The following KIF21A variants were observed in gnomAD, a reference collection of about 807,000 sequenced individuals.
The protein encoded by KIF21A is kinesin-like protein KIF21A.
A neutral mutation model predicts 202.9 loss-of-function variants in KIF21A; 114 were observed. The ratio of observed to expected loss-of-function variants is 0.56; its 90% confidence interval spans 0.48 to 0.66. KIF21A has a LOEUF of 0.66. Among genes scored for constraint, KIF21A ranks in the 30% least tolerant of loss-of-function variants. The probability of loss-of-function intolerance (pLI) is 0.00; values close to 1 mark genes in which losing one functional copy is unlikely to be tolerated. For missense variants in KIF21A, 1,677 were observed against 1,994.9 expected, an observed-to-expected ratio of 0.84 and a Z score of 3.04; for synonymous variants, 667 against 670.8, an observed-to-expected ratio of 0.99 and a Z score of 0.09.
chr12:39,436,446 ATAT>A lies in KIF21A; in HGVS notation c.44+6478_44+6480del, dbSNP rs1311557423. Among the ~76,000 whole-genome samples the A allele has an allele frequency of 1.2e-3, 128 of 104,314 alleles. 2 individuals carry two copies. Among genetic ancestry groups the A allele is most frequent in the African/African-American group, 5.8e-3 (121 of 21,030 alleles). The allele number at this position is 104,314 out of a possible 152,430, so 68.4% of individuals were successfully genotyped here. A position where few individuals can be genotyped will look rare whatever the true frequency, so the allele number is the denominator to read the frequency against. ...ATTATATATATATATATATATATAT[ATAT>A]TTTTTTTTTTTTTAGACAGGGTTTC... On this transcript the variant is annotated intron_variant, in intron 1 of 37. Coordinates refer to ENST00000361418, the MANE Select transcript of KIF21A (RefSeq NM_001173464.2).
At chr12:39,428,524 T>C (rs1226562238) in intron 1 of KIF21A, among the ~76,000 whole-genome samples, 2 of 152,220 alleles carry the variant, frequency 1.3e-5, no homozygotes, top group African/African-American at 4.8e-5. Flanking sequence ...AAATAATTGT[T>C]AATTGATTTT....
At chr12:39,322,588 G>T in intron 27 of KIF21A, 80 bp downstream of exon 27, 3 of 1,028,374 alleles carry the variant, frequency 2.9e-6, no homozygotes, top group Non-Finnish European at 4.3e-6. Flanking sequence ...TTAAATAATA[G>T]AAATAAGAAA....
Position 39,346,127 on chromosome 12 carries a change from GT to G in KIF21A, c.1712+338del, listed in dbSNP as rs1418397229. On this transcript the variant is annotated intron_variant, in intron 12 of 37. Coordinates refer to ENST00000361418, the MANE Select transcript of KIF21A (RefSeq NM_001173464.2). ...TTCTGTAAGACAAAGAATTACTGTT[GT>G]TTTTTCTTTTTTTAATAAATCAAAT... 2.6e-5 allele frequency among the ~76,000 whole-genome samples: 4 copies of G among 151,916 alleles called. No homozygotes were observed. The South Asian group carries it at 8.3e-4, about 32-fold the overall frequency.
chr12:39,339,202 C>A (rs1241331781), intron 16 of KIF21A, among the ~76,000 whole-genome samples: 1 of 144,814 alleles, frequency 6.9e-6, no homozygotes, highest in Non-Finnish European at 1.5e-5. Flanking sequence ...CTGCTTGAAC[C>A]TGGGAGGTGG....
intron 30 of KIF21A, 166 bp downstream of exon 30, chr12:39,315,766 C>A (rs1487038231): frequency 2.8e-6 from 2 of 711,852 alleles, no homozygotes; most frequent in Non-Finnish European, 2.6e-6. Flanking sequence ...AAAGGTATGA[C>A]CACAAAAATG....
intron 27 of KIF21A, among the ~76,000 whole-genome samples, chr12:39,320,608 G>C (rs1264598686): frequency 6.6e-6 from 1 of 150,452 alleles, no homozygotes; most frequent in Non-Finnish European, 1.5e-5. Flanking sequence ...AATAATTTTT[G>C]TATATGGTGG....
In KIF21A at chr12:39,356,848, CTT is replaced by C; in HGVS notation, c.1451_1452del (p.Lys484ArgfsTer13). ...EISNMIHSYI[K>X]EIEDLRAKLL... ...GAACTATACCTGAGATCTTCGATTTCTTTTATATAACTATGAATCATATTACT... is the reference window on the plus strand; with the variant it reads ...GAACTATACCTGAGATCTTCGATTTCTTATATAACTATGAATCATATTACT... On this transcript the variant is annotated frameshift_variant, in exon 10 of 38. Transcript: ENST00000361418. LOFTEE classifies it high-confidence loss of function. 1 of 1,227,104 alleles carries C rather than the reference CTT, an allele frequency of 8.1e-7. No homozygotes were observed. Among genetic ancestry groups the C allele is most frequent in the Non-Finnish European group, 1.2e-6 (1 of 830,422 alleles). 76.0% of individuals were successfully genotyped at this position (1,227,104 alleles called of 1,614,324 possible).
rs764446079 is a variant in KIF21A, at chr12:39,293,548, T to C, written c.*876A>G. On this transcript the variant is annotated 3_prime_UTR_variant, in exon 38 of 38. Coordinates refer to ENST00000361418, the MANE Select transcript of KIF21A (RefSeq NM_001173464.2). The stretch of plus-strand genomic sequence containing the variant: ...TCATAGCTACCAAGGTTCGCAAACA[T>C]AGTATATTTAAAATATATTTAGCAG... 2 of 152,510 alleles carry C rather than the reference T, an allele frequency of 1.3e-5. No individual in the cohort carries two copies. Among genetic ancestry groups the C allele is most frequent in the African/African-American group, 2.4e-5 (1 of 41,424 alleles). The allele number at this position is 152,510 out of a possible 1,614,324, so 9.4% of individuals were successfully genotyped here. A position where few individuals can be genotyped will look rare whatever the true frequency, so the allele number is the denominator to read the frequency against.
chr12:39,436,422 T>TTTTTTATATATATATATATATATA (rs1424497663), intron 1 of KIF21A, among the ~76,000 whole-genome samples: 1 of 99,116 alleles, frequency 1.0e-5, no homozygotes. Flanking sequence ...GTTTACTATA[T>TTTTTTATATATATATATATATATA]TATATATATA....
intron 1 of KIF21A, among the ~76,000 whole-genome samples, chr12:39,429,640 T>C (rs1016649452): frequency 1.3e-5 from 2 of 152,210 alleles, no homozygotes; most frequent in Non-Finnish European, 2.9e-5. Flanking sequence ...GATCCTATTA[T>C]GTTAGTACTC....
At chr12:39,405,833 G>T (rs1952541748) in intron 1 of KIF21A, among the ~76,000 whole-genome samples, 1 of 151,668 alleles carries the variant, frequency 6.6e-6, no homozygotes, top group South Asian at 2.1e-4. Context: ...TCTTAACTAG[G>T]CCGTAAGAAA....
intron 1 of KIF21A, among the ~76,000 whole-genome samples, chr12:39,436,100 A>T (rs1468737836): frequency 1.3e-5 from 2 of 152,106 alleles, no homozygotes; most frequent in African/African-American, 4.8e-5. Context: ...AGTCAAAATA[A>T]TGGGTTGACA....
chr12:39,371,834 CAGG>C (rs1315936697), intron 1 of KIF21A, among the ~76,000 whole-genome samples: 1 of 151,396 alleles, frequency 6.6e-6, no homozygotes, highest in African/African-American at 2.4e-5. Flanking sequence ...GAGGCAGAGG[CAGG>C]AGAACTGCTT....
chr12:39,421,864 A>T (rs1478034637), intron 1 of KIF21A, among the ~76,000 whole-genome samples: 1 of 146,970 alleles, frequency 6.8e-6, no homozygotes, highest in Non-Finnish European at 1.5e-5. Context: ...TATATATATA[A>T]ATAATAAACA....
At chr12:39,318,318 C>G (rs1944807057) in intron 28 of KIF21A, 117 bp from the exon 29 acceptor site, 4 of 932,270 alleles carry the variant, frequency 4.3e-6, no homozygotes, top group Non-Finnish European at 6.5e-6. Context: ...TCCTTCTTTC[C>G]TTTCTTCCTT....
intron 1 of KIF21A, among the ~76,000 whole-genome samples, chr12:39,410,408 C>T (rs1304653154): frequency 6.6e-6 from 1 of 152,098 alleles, no homozygotes; most frequent in Non-Finnish European, 1.5e-5. Flanking sequence ...TTATCTCCAC[C>T]TAATAATATC....
At position 39,442,828 on chromosome 12, in the gene KIF21A, G is replaced by C; in HGVS notation, c.44+99C>G. ...AGAACCCGGCCGGGACGCCCCTCAG[G>C]TCGCTCCACCCCGGTAGCCGGTGCT... On this transcript the variant is annotated intron_variant, in intron 1 of 37. Transcript: ENST00000361418. The surrounding 1 kb of genome is among the most constrained non-coding windows in gnomAD (Gnocchi z 5.0). 7.0e-7 allele frequency: 1 copy of C among 1,426,134 alleles called. No homozygotes were observed. The highest frequency in any genetic ancestry group is 2.7e-5 in the East Asian group (1 of 37,590). 88.3% of individuals were successfully genotyped at this position (1,426,134 alleles called of 1,614,324 possible). A position where few individuals can be genotyped will look rare whatever the true frequency, so the allele number is the denominator to read the frequency against.
chr12:39,311,302 A>G, intron 32 of KIF21A, 115 bp downstream of exon 32: 1 of 953,604 alleles, frequency 1.0e-6, no homozygotes, highest in Non-Finnish European at 1.6e-6. Context: ...GTTGAACCAG[A>G]TTATCCGATT....
chr12:39,435,130 A>G (rs1938502964), intron 1 of KIF21A, among the ~76,000 whole-genome samples: 1 of 152,198 alleles, frequency 6.6e-6, no homozygotes, highest in Non-Finnish European at 1.5e-5. Flanking sequence ...GGGTGGGTCC[A>G]TTCCATAACT....
Sources: gnomAD v4.1 joint callset for allele counts (sites outside exome capture counted in the v4.1 genomes callset) on GRCh38, gnomAD v4.1.1 for gene constraint, Gnocchi (gnomAD v3.1) non-coding constraint, MANE v1.5 for transcripts, NCBI Gene and HGNC (gene_info 2026-07-23, HGNC 2026-07-21) for gene names.